SLC22A9: variants seen among roughly 807,000 people sequenced by gnomAD.
SLC22A9 encodes the protein solute carrier family 22 member 9.
SLC22A9 carries 64 observed loss-of-function variants against 50.1 expected under a neutral mutation model. That is an observed-to-expected ratio of 1.28 (90% CI 1.04 to 1.57). The LOEUF (loss-of-function observed/expected upper bound fraction) is 1.57. Ranked by LOEUF, SLC22A9 falls within the 40% of genes most tolerant of loss-of-function variation. SLC22A9 has a pLI of 0.00. For synonymous variants in SLC22A9, 261 were observed against 242.5 expected (o/e 1.08, Z -0.71); for missense variants, 757 against 676.1 (o/e 1.12, Z -1.33).
At position 63,371,205 on chromosome 11, in the gene SLC22A9, T is replaced by C; in HGVS notation, c.473T>C (p.Val158Ala). The C allele has an allele frequency of 6.2e-7, 1 of 1,613,378 alleles. No individual in the cohort carries two copies. Among genetic ancestry groups the C allele is most frequent in the Non-Finnish European group, 8.5e-7 (1 of 1,179,522 alleles). ...AKFVFMAGMMVGGILGGHLSD... is the reference protein window; with the variant it reads ...AKFVFMAGMMAGGILGGHLSD... ...TTTGTATTCATGGCTGGAATGATGGTGGGAGGCATCCTAGGCGGTCATTTA... is the reference window on the plus strand; with the variant it reads ...TTTGTATTCATGGCTGGAATGATGGCGGGAGGCATCCTAGGCGGTCATTTA... Residue 158 changes from valine (V) to alanine (A), a missense_variant, in exon 2 of 10, where the codon GTG (valine) becomes GCG (alanine). Val to Ala is a moderately conservative substitution (Grantham distance 64). Transcript: ENST00000279178.
At chr11:63,395,971 G>A (rs1051065017) in intron 6 of SLC22A9, among the ~76,000 whole-genome samples, 2 of 152,080 alleles carry the variant, frequency 1.3e-5, no homozygotes, top group African/African-American at 2.4e-5. Flanking sequence ...AATGCAGGTT[G>A]TCAGGGAAGT....
In SLC22A9 at chr11:63,370,355, A is replaced by G; in HGVS notation, c.299A>G (p.His100Arg). Residue 100 changes from histidine to arginine, a missense_variant, in exon 1 of 10, where the codon CAC (histidine) becomes CGC (arginine). His to Arg is a conservative substitution (Grantham distance 29). Transcript: ENST00000279178. ...GTTCATCCTCAGTGGCAGCTCCTTC[A>G]CCTGAATGGGACCTTCCCCAACACA... Reference protein sequence around the residue: ...RFVHPQWQLLHLNGTFPNTSD... With the variant: ...RFVHPQWQLLRLNGTFPNTSD... 1 of 1,613,932 alleles carries G rather than the reference A, an allele frequency of 6.2e-7. No individual in the cohort carries two copies. Among genetic ancestry groups the G allele is most frequent in the Non-Finnish European group, 8.5e-7 (1 of 1,179,884 alleles).
chr11:63,407,995 C>T lies in SLC22A9; in HGVS notation c.1289-117C>T, dbSNP rs1039240629. On this transcript the variant is annotated intron_variant, in intron 7 of 9. Transcript: ENST00000279178. Reference sequence around the variant, plus strand: ...CATTCTTTGCCTCTATGCAGTTTCCCTACAGTACATTTAACCCTTGCAAAC... The same window carrying T: ...CATTCTTTGCCTCTATGCAGTTTCCTTACAGTACATTTAACCCTTGCAAAC... The T allele has an allele frequency of 5.6e-6, 4 of 719,890 alleles. No individual in the cohort carries two copies. The African/African-American group carries it at 7.1e-5, about 13-fold the overall frequency. The allele number at this position is 719,890 out of a possible 1,614,324, so 44.6% of individuals were successfully genotyped here.
chr11:63,388,719 T>C (rs2014710953), intron 6 of SLC22A9, among the ~76,000 whole-genome samples: 1 of 134,006 alleles, frequency 7.5e-6, no homozygotes, highest in Non-Finnish European at 1.6e-5. Flanking sequence ...CCTCCACCTG[T>C]ATTTTTTTTT....
chr11:63,400,046 T>C (rs1366575250), intron 6 of SLC22A9, among the ~76,000 whole-genome samples: 1 of 152,010 alleles, frequency 6.6e-6, no homozygotes, highest in Non-Finnish European at 1.5e-5. Flanking sequence ...CACTAACAGG[T>C]ATGTTTATAG....
intron 5 of SLC22A9, among the ~76,000 whole-genome samples, chr11:63,377,555 C>T (rs2014486040): frequency 6.6e-6 from 1 of 152,002 alleles, no homozygotes; most frequent in Non-Finnish European, 1.5e-5. Flanking sequence ...CAGCTAAACA[C>T]ATGTTAAGAA....
chr11:63,393,084 G>T (rs1206709313), intron 6 of SLC22A9, among the ~76,000 whole-genome samples: 1 of 152,098 alleles, frequency 6.6e-6, no homozygotes, highest in Non-Finnish European at 1.5e-5. Flanking sequence ...TGGCAGTATG[G>T]TCATTTTCAC....
chr11:63,369,811 G>A lies in SLC22A9; in HGVS notation c.-246G>A. The A allele has an allele frequency of 2.1e-6, 1 of 465,578 alleles. No homozygotes were observed. The highest frequency in any genetic ancestry group is 4.2e-5 in the South Asian group (1 of 23,638). 28.8% of individuals were successfully genotyped at this position (465,578 alleles called of 1,614,324 possible). A position where few individuals can be genotyped will look rare whatever the true frequency, so the allele number is the denominator to read the frequency against. On this transcript the variant is annotated 5_prime_UTR_variant, in exon 1 of 10. Coordinates refer to ENST00000279178, the MANE Select transcript of SLC22A9 (RefSeq NM_080866.3). The stretch of plus-strand genomic sequence containing the variant: ...AACACATTTCATTGTAAACGACTGG[G>A]AGTATCTGAGCAAATTATTTCTTAC...
intron 6 of SLC22A9, among the ~76,000 whole-genome samples, chr11:63,403,618 A>G (rs2014987200): frequency 6.6e-6 from 1 of 152,098 alleles, no homozygotes; most frequent in Admixed American, 6.6e-5. Context: ...CTTTAAGATC[A>G]AGAACAAGAT....
intron 5 of SLC22A9, among the ~76,000 whole-genome samples, chr11:63,377,897 ACACT>A (rs1165046288): frequency 3.3e-5 from 5 of 152,184 alleles, no homozygotes; most frequent in African/African-American, 9.6e-5. Flanking sequence ...AATACAAAAA[ACACT>A]CAGAGACTAT....
At chr11:63,371,324 A>G in intron 2 of SLC22A9, 86 bp downstream of exon 2, 1 of 1,089,124 alleles carries the variant, frequency 9.2e-7, no homozygotes, top group Non-Finnish European at 1.3e-6. Flanking sequence ...ACTTACTGCA[A>G]ATTACATTCT....
chr11:63,374,599 T>A (rs2014427603), intron 4 of SLC22A9, among the ~76,000 whole-genome samples: 1 of 152,146 alleles, frequency 6.6e-6, no homozygotes, highest in South Asian at 2.1e-4. Context: ...TGCCTGAGAC[T>A]TCTTAGTGTC....
intron 6 of SLC22A9, among the ~76,000 whole-genome samples, chr11:63,399,941 G>T (rs915671709): frequency 3.3e-5 from 5 of 151,974 alleles, no homozygotes; most frequent in African/African-American, 1.2e-4. Flanking sequence ...TGACAAATGG[G>T]TCAATCAAGG....
intron 6 of SLC22A9, among the ~76,000 whole-genome samples, chr11:63,397,399 C>T (rs1418087486): frequency 1.3e-5 from 2 of 152,076 alleles, no homozygotes; most frequent in East Asian, 1.9e-4. Context: ...CTAGGTTTGC[C>T]CAAGGCCCTA....
Position 63,410,257 on chromosome 11 carries a change from A to AAAAAAAAAGAAGGAAAGAAAGAAAGAAAG in SLC22A9, c.*398_*399insAAAAAGAAGGAAAGAAAGAAAGAAAGAAA. ...CTGTCTCAAAAAAAAAAAAAAAAAA[A>AAAAAAAAAGAAGGAAAGAAAGAAAGAAAG]AAAGAAAGAAGGAAAGAAAGAAAGA... On this transcript the variant is annotated 3_prime_UTR_variant, in exon 10 of 10. Transcript: ENST00000279178. The AAAAAAAAAGAAGGAAAGAAAGAAAGAAAG allele has an allele frequency of 8.3e-5, 9 of 108,476 alleles. 1 individual carries two copies. In the East Asian group the frequency reaches 1.7e-3, roughly 20 times the overall value. 6.7% of individuals were successfully genotyped at this position (108,476 alleles called of 1,614,324 possible). A position where few individuals can be genotyped will look rare whatever the true frequency, so the allele number is the denominator to read the frequency against.
chr11:63,390,579 C>A (rs1299592837), intron 6 of SLC22A9, among the ~76,000 whole-genome samples: 1 of 152,000 alleles, frequency 6.6e-6, no homozygotes, highest in East Asian at 1.9e-4. Flanking sequence ...GGGTCTGTAA[C>A]CTTAAGTTAC....
chr11:63,389,199 T>G (rs1184176338), intron 6 of SLC22A9, among the ~76,000 whole-genome samples: 1 of 152,112 alleles, frequency 6.6e-6, no homozygotes, highest in Non-Finnish European at 1.5e-5. Context: ...AGTTCTGGGA[T>G]ACATGTGCAG....
chr11:63,373,111 T>C (rs1431720536), intron 2 of SLC22A9, among the ~76,000 whole-genome samples: 1 of 148,644 alleles, frequency 6.7e-6, no homozygotes, highest in African/African-American at 2.5e-5. Context: ...AATTCCCTTT[T>C]TCTTTTTTTT....
At position 63,374,736 on chromosome 11, in the gene SLC22A9, A is replaced by G. The variant is rs551296477; in HGVS notation, c.830+674A>G. ...TCTATGTTTTTATATATATCCTTGG[A>G]AAAAAATACATGATGGAGAAGTTTG... On this transcript the variant is annotated intron_variant, in intron 4 of 9. Coordinates refer to ENST00000279178, the MANE Select transcript of SLC22A9 (RefSeq NM_080866.3). 1.5e-4 allele frequency among the ~76,000 whole-genome samples: 23 copies of G among 152,250 alleles called. No homozygotes were observed. In the East Asian group the frequency reaches 4.4e-3, roughly 29 times the overall value.
Sources: allele counts gnomAD v4.1 joint callset (sites outside exome capture counted in the v4.1 genomes callset), GRCh38; gene constraint gnomAD v4.1.1; transcripts MANE v1.5; gene names NCBI Gene and HGNC (gene_info 2026-07-23, HGNC 2026-07-21).